The following ZNF101 variants were observed in gnomAD, a reference collection of about 807,000 sequenced individuals.
ZNF101 encodes the protein zinc finger protein 101.
In ZNF101, 34 loss-of-function variants were observed where a neutral mutation model predicts 42.6. That is an observed-to-expected ratio of 0.80 (90% confidence interval 0.61 to 1.06). The LOEUF is 1.06. ZNF101 is among the 50% of genes least tolerant of loss of function. ZNF101 has a pLI of 0.00. For synonymous variants in ZNF101, 158 were observed against 183.9 expected (o/e 0.86, Z 1.14); for missense variants, 466 against 530.9 (o/e 0.88, Z 1.20).
chr19:19,669,736 G>T (rs1441649424), intron 1 of ZNF101, among the ~76,000 whole-genome samples: 3 of 152,104 alleles, frequency 2.0e-5, no homozygotes, highest in Admixed American at 2.0e-4. Context: ...GCCTGCCTCG[G>T]TCTCCCAAAG....
At position 19,679,840 on chromosome 19, in the gene ZNF101, G is replaced by T; in HGVS notation, c.851G>T (p.Cys284Phe). 1 of 1,614,054 alleles carries T rather than the reference G, an allele frequency of 6.2e-7. No homozygotes were observed. Among genetic ancestry groups the T allele is most frequent in the Non-Finnish European group, 8.5e-7 (1 of 1,180,008 alleles). Reference protein sequence around the residue: ...RSHALEKSHQCQECGKKLSCS... With the variant: ...RSHALEKSHQFQECGKKLSCS... Reference sequence around the variant, plus strand: ...CACGCGCTGGAGAAATCCCACCAATGTCAGGAATGTGGGAAAAAACTCAGT... The same window carrying T: ...CACGCGCTGGAGAAATCCCACCAATTTCAGGAATGTGGGAAAAAACTCAGT... Residue 284 changes from cysteine (C) to phenylalanine (F), a missense_variant, in exon 4 of 4, where the codon TGT (cysteine) becomes TTT (phenylalanine). By Grantham distance (205) the Cys-to-Phe change is radical. Transcript: ENST00000592502.
intron 3 of ZNF101, 28 bp downstream of exon 3, chr19:19,678,814 T>C (rs770680924): frequency 6.3e-7 from 1 of 1,589,444 alleles, no homozygotes; most frequent in Admixed American, 1.8e-5. Context: ...GAGGAAGCAG[T>C]GTCTCTTGAG....
chr19:19,673,789 A>T (rs2062186085), intron 1 of ZNF101, among the ~76,000 whole-genome samples: 1 of 125,398 alleles, frequency 8.0e-6, no homozygotes. Context: ...TTTTTAAATT[A>T]TTATTATTAT....
intron 1 of ZNF101, chr19:19,677,036 A>G (rs940655944): frequency 1.3e-5 from 2 of 152,200 alleles, no homozygotes; most frequent in Non-Finnish European, 2.9e-5. Context: ...CTTACTCCAT[A>G]CTGCTTTGAC....
Position 19,682,329 on chromosome 19 carries a change from C to G in ZNF101, c.*2029C>G, listed in dbSNP as rs2062244612. The G allele has an allele frequency of 6.6e-6, 1 of 152,040 alleles. No individual in the cohort carries two copies. The highest frequency in any genetic ancestry group is 6.6e-5 in the Admixed American group (1 of 15,218). 9.4% of individuals were successfully genotyped at this position (152,040 alleles called of 1,614,324 possible). A position where few individuals can be genotyped will look rare whatever the true frequency, so the allele number is the denominator to read the frequency against. On this transcript the variant is annotated 3_prime_UTR_variant, in exon 4 of 4. Transcript: ENST00000592502. ...CTGACTTCTGGGTTCAAGCAATTCTCCTGCTTCAGTCTCCGAAGCATCTGG... is the reference window on the plus strand; with the variant it reads ...CTGACTTCTGGGTTCAAGCAATTCTGCTGCTTCAGTCTCCGAAGCATCTGG...
At chr19:19,678,036 T>G (rs16996227) in intron 2 of ZNF101, 46 bp downstream of exon 2, 25 of 1,590,896 alleles carry the variant, frequency 1.6e-5, no homozygotes, top group Non-Finnish European at 2.1e-5. Flanking sequence ...GACAAGTGTG[T>G]TTTGGTCACC....
upstream of ZNF101, chr19:19,668,812 A>G (rs1338919484): frequency 1.0e-6 from 1 of 967,124 alleles, no homozygotes; most frequent in Non-Finnish European, 1.5e-6. Context: ...CAAAGCCCGA[A>G]GCGGTCTCAT....
At chr19:19,676,636 AT>A (rs35951135) in intron 1 of ZNF101, 2,133 of 140,468 alleles carry the variant, frequency 0.015, 46 homozygotes, top group African/African-American at 0.046. Context: ...TGTTTTGGGG[AT>A]TTTTTTTTTT....
chr19:19,677,931 C>G lies in ZNF101; in HGVS notation c.71C>G (p.Ser24Cys), dbSNP rs779453861. The G allele has an allele frequency of 6.2e-7, 1 of 1,612,662 alleles. No homozygotes were observed. The highest frequency in any genetic ancestry group is 8.5e-7 in the Non-Finnish European group (1 of 1,179,142). The part of the protein sequence containing the change: ...TQEEWALLSP[S>C]QKNLYRDVTL... ...GAGGAGTGGGCTTTGCTGAGTCCTT[C>G]CCAGAAGAATCTCTACAGAGATGTG... is the stretch of plus-strand genomic sequence containing the variant. Residue 24 changes from serine to cysteine, a missense_variant, in exon 2 of 4, where the codon TCC becomes TGC. Coordinates refer to ENST00000592502, the MANE Select transcript of ZNF101 (RefSeq NM_033204.4).
At chr19:19,675,945 A>G (rs940241596) in intron 1 of ZNF101, among the ~76,000 whole-genome samples, 3 of 152,202 alleles carry the variant, frequency 2.0e-5, no homozygotes, top group African/African-American at 7.2e-5. Flanking sequence ...TGCAGGGGCC[A>G]TGATTGTACC....
chr19:19,681,905 C>G lies in ZNF101; in HGVS notation c.*1605C>G, dbSNP rs1041406034. ...ATAAATATATAGCATTTATCAGTGG[C>G]TCATTCTTTTTTCTTTCTTTTTTTT... is the stretch of plus-strand genomic sequence containing the variant. On this transcript the variant is annotated 3_prime_UTR_variant, in exon 4 of 4. Transcript: ENST00000592502. 6.6e-6 allele frequency: 1 copy of G among 150,586 alleles called. No homozygotes were observed. The highest frequency in any genetic ancestry group is 1.5e-5 in the Non-Finnish European group (1 of 67,826). 9.3% of individuals were successfully genotyped at this position (150,586 alleles called of 1,614,324 possible). A position where few individuals can be genotyped will look rare whatever the true frequency, so the allele number is the denominator to read the frequency against.
intron 1 of ZNF101, 120 bp downstream of exon 1, chr19:19,669,086 C>T (rs1041745531): frequency 8.7e-6 from 12 of 1,375,618 alleles, no homozygotes; most frequent in Non-Finnish European, 1.1e-5. Flanking sequence ...CCCCCAGGCG[C>T]AGCTCGACCC....
intron 1 of ZNF101, 97 bp from the exon 2 acceptor site, chr19:19,677,763 GTGTT>G (rs1290338550): frequency 1.9e-5 from 28 of 1,509,820 alleles, no homozygotes; most frequent in Non-Finnish European, 2.5e-5. Context: ...CATGGAGTGA[GTGTT>G]TGGAGAGCCC....
intron 2 of ZNF101, 74 bp from the exon 3 acceptor site, chr19:19,678,652 A>T: frequency 7.6e-7 from 1 of 1,308,678 alleles, no homozygotes; most frequent in Non-Finnish European, 1.0e-6. Context: ...GGCAGTGTTT[A>T]ATGAACTTAG....
intron 1 of ZNF101, 49 bp from the exon 2 acceptor site, chr19:19,677,815 C>A: frequency 6.3e-7 from 1 of 1,595,760 alleles, no homozygotes; most frequent in Non-Finnish European, 8.6e-7. Context: ...GTAGAGATCC[C>A]CAGTGCTGAG....
At chr19:19,669,075 T>C in intron 1 of ZNF101, 109 bp downstream of exon 1, 1 of 1,425,572 alleles carries the variant, frequency 7.0e-7, no homozygotes, top group Non-Finnish European at 9.4e-7. Context: ...GGGACCCGAG[T>C]CCCCCAGGCG....
Position 19,679,816 on chromosome 19 carries a change from A to G in ZNF101, c.827A>G (p.His276Arg), listed in dbSNP as rs1475188102. The change falls in exon 4 of 4, where the codon CAC becomes CGC. Residue 276 changes from histidine (H) to arginine (R), a missense_variant. Transcript: ENST00000592502. Reference sequence around the variant, plus strand: ...CTTCGGACACATGAAATCAGATCTCACGCGCTGGAGAAATCCCACCAATGT... The same window carrying G: ...CTTCGGACACATGAAATCAGATCTCGCGCGCTGGAGAAATCCCACCAATGT... ...GYLRTHEIRS[H>R]ALEKSHQCQE... The G allele has an allele frequency of 6.2e-7, 1 of 1,613,538 alleles. No individual in the cohort carries two copies. The highest frequency in any genetic ancestry group is 8.5e-7 in the Non-Finnish European group (1 of 1,179,616).
rs984257144 is a variant in ZNF101 at position 19,668,864 on chromosome 19, G to C, written c.-100G>C. 5 of 1,439,354 alleles carry C rather than the reference G, an allele frequency of 3.5e-6. No homozygotes were observed. Among genetic ancestry groups the C allele is most frequent in the Admixed American group, 4.6e-5 (2 of 43,750 alleles). The allele number at this position is 1,439,354 out of a possible 1,614,324, so 89.2% of individuals were successfully genotyped here. ...ATTCGGGTCCGGGTTTTAGTTCCTCGGGGAGCCCCTGGTGCCCCGGATACG... is the reference window on the plus strand; with the variant it reads ...ATTCGGGTCCGGGTTTTAGTTCCTCCGGGAGCCCCTGGTGCCCCGGATACG... On this transcript the variant is annotated 5_prime_UTR_variant, in exon 1 of 4. Transcript: ENST00000592502.
chr19:19,679,737 GA>G lies in ZNF101; in HGVS notation c.753del (p.Lys251AsnfsTer136). ...AATTCATGTTAGAACTCACACTGGA[GA>G]AAAACCTTACAAATGTAAACAATGT... ...FQIHVRTHTG[E>X]KPYKCKQCGK... On this transcript the variant is annotated frameshift_variant, in exon 4 of 4. Coordinates refer to ENST00000592502, the MANE Select transcript of ZNF101 (RefSeq NM_033204.4). LOFTEE classifies it high-confidence loss of function. The G allele has an allele frequency of 6.2e-7, 1 of 1,614,072 alleles. No individual in the cohort carries two copies. The highest frequency in any genetic ancestry group is 1.1e-5 in the South Asian group (1 of 91,070).
Sources: allele counts gnomAD v4.1 joint callset (sites outside exome capture counted in the v4.1 genomes callset), GRCh38; gene constraint gnomAD v4.1.1; transcripts MANE v1.5; gene names NCBI Gene and HGNC (gene_info 2026-07-23, HGNC 2026-07-21).